Variants in FHL2 observed in about 807,000 individuals in gnomAD.
The protein encoded by FHL2 is four and a half LIM domains 2, also known as four and a half LIM domains protein 2.
Under a neutral mutation model 32.7 loss-of-function variants are expected in FHL2, and 20 were observed. That is an observed-to-expected ratio of 0.61 (90% CI 0.43 to 0.89). The LOEUF is 0.89. Ranked by LOEUF, FHL2 falls within the 40% of genes least tolerant of loss-of-function variation. The probability of loss-of-function intolerance (pLI) is 0.00; values close to 1 mark genes in which losing one functional copy is unlikely to be tolerated. For missense variants in FHL2, 311 were observed against 358.6 expected, an observed-to-expected ratio of 0.87 and a Z score of 1.07; for synonymous variants, 123 against 128.1, an observed-to-expected ratio of 0.96 and a Z score of 0.27.
chr2:105,388,985 TG>T (rs1485639138), intron 2 of FHL2, among the ~76,000 whole-genome samples: 1 of 152,242 alleles, frequency 6.6e-6, no homozygotes, highest in Admixed American at 6.5e-5. Flanking sequence ...TATTGCCGCC[TG>T]GTTTGTGATT....
upstream of FHL2, chr2:105,399,252 C>T (rs1257111689): frequency 2.0e-6 from 3 of 1,535,426 alleles, no homozygotes; most frequent in South Asian, 3.6e-5. Context: ...TTTCTTCGTG[C>T]CCTCCGGGTC....
intron 3 of FHL2, chr2:105,375,206 C>G (rs191564146): frequency 6.6e-6 from 1 of 152,244 alleles, no homozygotes; most frequent in East Asian, 1.9e-4. Context: ...TTCCCGGAAC[C>G]TGGAACCAAA....
intron 1 of FHL2, among the ~76,000 whole-genome samples, chr2:105,410,093 G>T (rs920227214): frequency 3.3e-5 from 5 of 152,228 alleles, no homozygotes; most frequent in African/African-American, 1.2e-4. Flanking sequence ...AGAGTTCAGG[G>T]ATCACACCAG....
At chr2:105,396,779 T>A in intron 1 of FHL2, 82 bp from the exon 2 acceptor site, 1 of 1,190,258 alleles carries the variant, frequency 8.4e-7, no homozygotes, top group Non-Finnish European at 1.2e-6. Flanking sequence ...GATGGACACT[T>A]AATAAATGTG....
chr2:105,384,662 C>T (rs1187489115), intron 3 of FHL2, among the ~76,000 whole-genome samples: 1 of 152,222 alleles, frequency 6.6e-6, no homozygotes, highest in African/African-American at 2.4e-5. Context: ...TATGCACCAC[C>T]ACGCCCAGCT....
intron 3 of FHL2, among the ~76,000 whole-genome samples, chr2:105,380,315 A>T (rs1681795225): frequency 6.6e-6 from 1 of 151,926 alleles, no homozygotes; most frequent in East Asian, 1.9e-4. Context: ...TTCCTATCAC[A>T]CTCTGAATCT....
rs114900899 is a variant in FHL2, at chr2:105,374,956, C to T, written c.157-1223G>A. Among the ~76,000 whole-genome samples, 1,325 of 152,262 alleles carry T rather than the reference C, an allele frequency of 8.7e-3. 13 individuals are homozygous for T. Among genetic ancestry groups the T allele is most frequent in the African/African-American group, 0.03 (1,238 of 41,554 alleles). ...ACAGGGCACAGGAGGGCTGTTCACG[C>T]GATGGCCCTGAAGAAGAGCCTGCCC... is the stretch of plus-strand genomic sequence containing the variant. On this transcript the variant is annotated intron_variant, in intron 3 of 6. Coordinates refer to ENST00000530340, the MANE Select transcript of FHL2 (RefSeq NM_001318895.3).
intron 2 of FHL2, chr2:105,390,236 A>T (rs1367741525): frequency 2.0e-5 from 3 of 153,734 alleles, no homozygotes; most frequent in African/African-American, 7.2e-5. Context: ...GTCTAAAAAA[A>T]TAAAAAAATA....
chr2:105,436,988 CA>C (rs1684633494), intron 1 of FHL2, among the ~76,000 whole-genome samples: 1 of 152,024 alleles, frequency 6.6e-6, no homozygotes, highest in African/African-American at 2.4e-5. Context: ...TGCTTTAGGT[CA>C]TGGGAATGCA....
At chr2:105,429,141 C>G (rs1243636301) in intron 1 of FHL2, among the ~76,000 whole-genome samples, 1 of 152,190 alleles carries the variant, frequency 6.6e-6, no homozygotes, top group East Asian at 1.9e-4. Flanking sequence ...TTTCCACCCT[C>G]CCTCCACTGC....
chr2:105,432,602 T>A (rs1684472480), intron 1 of FHL2, among the ~76,000 whole-genome samples: 1 of 151,448 alleles, frequency 6.6e-6, no homozygotes, highest in South Asian at 2.1e-4. Context: ...TTACAGAGTT[T>A]AGAATTTTTT....
chr2:105,361,245 T>C lies in FHL2; in HGVS notation c.*38A>G. The C allele has an allele frequency of 1.3e-6, 2 of 1,589,402 alleles. No homozygotes were observed. Among genetic ancestry groups the C allele is most frequent in the South Asian group, 1.1e-5 (1 of 88,196 alleles). ...GTGAGAAAGAAAACATAAAAATCTG[T>C]GTGTGAGATCACAAGCAGCAACTTC... On this transcript the variant is annotated 3_prime_UTR_variant, in exon 7 of 7. Coordinates refer to ENST00000530340, the MANE Select transcript of FHL2 (RefSeq NM_001318895.3).
chr2:105,379,047 C>T (rs1382906231), intron 3 of FHL2, among the ~76,000 whole-genome samples: 3 of 152,064 alleles, frequency 2.0e-5, no homozygotes, highest in African/African-American at 2.4e-5. Flanking sequence ...CCCAGGAGCA[C>T]GTGATTAAAT....
chr2:105,416,831 T>C (rs969412553), intron 1 of FHL2, among the ~76,000 whole-genome samples: 14 of 152,226 alleles, frequency 9.2e-5, no homozygotes, highest in African/African-American at 3.4e-4. Flanking sequence ...AATTTTATCC[T>C]TGAAAACAAA....
At chr2:105,394,570 T>A (rs1233586112) in intron 2 of FHL2, among the ~76,000 whole-genome samples, 6 of 85,304 alleles carry the variant, frequency 7.0e-5, no homozygotes, top group Admixed American at 4.5e-4. Flanking sequence ...AGCAACAGAA[T>A]GAGACCCTGG....
intron 3 of FHL2, 75 bp from the exon 4 acceptor site, chr2:105,373,808 C>T (rs111251088): frequency 2.4e-5 from 35 of 1,475,048 alleles, no homozygotes; most frequent in Middle Eastern, 2.4e-4. Context: ...GGGCCCCTTG[C>T]GAATCTGCAG....
chr2:105,399,700 C>T, upstream of FHL2: 2 of 1,393,774 alleles, frequency 1.4e-6, no homozygotes, highest in Admixed American at 2.6e-5. Context: ...ATTCCAAGCC[C>T]GGGCCCTCTG....
At chr2:105,363,813 G>C (rs1573276129) in intron 5 of FHL2, among the ~76,000 whole-genome samples, 1 of 152,184 alleles carries the variant, frequency 6.6e-6, no homozygotes, top group African/African-American at 2.4e-5. Context: ...ATTCAATACA[G>C]CATCAAGGAG....
At chr2:105,366,125 G>T (rs1338683058) in intron 5 of FHL2, among the ~76,000 whole-genome samples, 1 of 151,888 alleles carries the variant, frequency 6.6e-6, no homozygotes, top group East Asian at 1.9e-4. Context: ...AGGAGAAATT[G>T]CTCGAACCCA....
Sources: gnomAD v4.1 joint callset for allele counts (sites outside exome capture counted in the v4.1 genomes callset) on GRCh38, gnomAD v4.1.1 for gene constraint, MANE v1.5 for transcripts, NCBI Gene and HGNC (gene_info 2026-07-23, HGNC 2026-07-21) for gene names.